Variants in UBE2L3 observed in about 807,000 individuals in gnomAD.
UBE2L3 encodes ubiquitin conjugating enzyme E2 L3, also known as ubiquitin-conjugating enzyme E2 L3.
Under a neutral mutation model 17.8 loss-of-function variants are expected in UBE2L3, and 1 was observed. The observed-to-expected ratio is 0.06, with a 90% CI of 0.02 to 0.27. The LOEUF is 0.27. Ranked by LOEUF, UBE2L3 falls within the 10% of genes least tolerant of loss-of-function variation. The probability of loss-of-function intolerance (pLI) is 1.00; values close to 1 mark genes in which losing one functional copy is unlikely to be tolerated. For missense variants in UBE2L3, 40 were observed against 192.6 expected (o/e 0.21, Z 4.69); for synonymous variants, 44 against 68.5 (o/e 0.64, Z 1.76).
chr22:21,620,502 C>G (rs1392998848), intron 3 of UBE2L3, among the ~76,000 whole-genome samples: 1 of 152,120 alleles, frequency 6.6e-6, no homozygotes, highest in Non-Finnish European at 1.5e-5. Context: ...AAGGAACATT[C>G]TGAGGGTGCT....
intron 1 of UBE2L3, among the ~76,000 whole-genome samples, chr22:21,586,515 C>G (rs894844952): frequency 6.6e-6 from 1 of 151,008 alleles, no homozygotes. Context: ...AAGTGATCCG[C>G]CCACCTCGGC....
intron 1 of UBE2L3, among the ~76,000 whole-genome samples, chr22:21,554,888 G>A (rs1316446767): frequency 1.3e-5 from 2 of 151,618 alleles, no homozygotes; most frequent in Admixed American, 6.5e-5. Context: ...TGATTCTCCT[G>A]CCTCAGCCTC....
chr22:21,565,895 C>T (rs989714001), upstream of UBE2L3, among the ~76,000 whole-genome samples: 43 of 151,390 alleles, frequency 2.8e-4, no homozygotes, highest in Admixed American at 2.4e-3. Flanking sequence ...TGATTGCAAC[C>T]GGTTTCCAAG....
intron 3 of UBE2L3, among the ~76,000 whole-genome samples, chr22:21,616,658 C>CAAAAAA (rs941408810): frequency 2.2e-5 from 2 of 92,852 alleles, no homozygotes; most frequent in African/African-American, 8.0e-5. Context: ...ACTCCATCTC[C>CAAAAAA]AAAAAAAAAA....
chr22:21,563,618 C>T (rs1404401925), upstream of UBE2L3, among the ~76,000 whole-genome samples: 2 of 148,844 alleles, frequency 1.3e-5, no homozygotes, highest in African/African-American at 2.5e-5. Flanking sequence ...ACTCTGTCAC[C>T]CAGGTTGGAG....
chr22:21,559,348 AAAATAAATAAATAAATAAAT>A (rs131647), intron 1 of UBE2L3, among the ~76,000 whole-genome samples: 12 of 144,490 alleles, frequency 8.3e-5, no homozygotes, highest in African/African-American at 3.2e-4. Context: ...ACTCTGTCTC[AAAATAAATAAATAAATAAAT>A]AAACAAACAA....
chr22:21,575,631 C>CT (rs533923826), intron 1 of UBE2L3, among the ~76,000 whole-genome samples: 3,131 of 73,442 alleles, frequency 0.043, 1,019 homozygotes, highest in Non-Finnish European at 0.051. Context: ...AGTTGAATAG[C>CT]TTTTTTTTTT....
rs1930145851 is a variant in UBE2L3 at position 21,623,361 on chromosome 22, GC to G, written c.*1695del. On this transcript the variant is annotated 3_prime_UTR_variant, in exon 4 of 4. Transcript: ENST00000342192. ...GGCAGGTTTCTGGAGACTCCCTTGT[GC>G]CCGGGATGGCAAGGGCACCGGGCTG... 1 of 152,726 alleles carries G rather than the reference GC, an allele frequency of 6.5e-6. No individual in the cohort carries two copies. The highest frequency in any genetic ancestry group is 2.4e-5 in the African/African-American group (1 of 41,422). The allele number at this position is 152,726 out of a possible 1,614,324, so 9.5% of individuals were successfully genotyped here.
intron 3 of UBE2L3, among the ~76,000 whole-genome samples, chr22:21,613,234 A>T (rs1255346577): frequency 6.6e-6 from 1 of 152,228 alleles, no homozygotes; most frequent in South Asian, 2.1e-4. Context: ...GGGCTGCTGC[A>T]TAGAAGGCCG....
chr22:21,556,254 G>A (rs1453590164), intron 1 of UBE2L3, among the ~76,000 whole-genome samples: 2 of 152,228 alleles, frequency 1.3e-5, no homozygotes, highest in South Asian at 4.1e-4. Context: ...AAAAGGCCAG[G>A]CATAGTGGCG....
At chr22:21,599,715 C>T (rs1352612511) in intron 2 of UBE2L3, among the ~76,000 whole-genome samples, 3 of 152,206 alleles carry the variant, frequency 2.0e-5, no homozygotes, top group African/African-American at 4.8e-5. Context: ...CATGTATGCA[C>T]AGAGAACGTT....
chr22:21,573,566 A>G (rs1927100479), intron 1 of UBE2L3, among the ~76,000 whole-genome samples: 1 of 152,130 alleles, frequency 6.6e-6, no homozygotes, highest in Admixed American at 6.6e-5. Context: ...AGGAGAGGGA[A>G]AGACCCCCTC....
intron 1 of UBE2L3, among the ~76,000 whole-genome samples, chr22:21,572,328 G>T (rs920482175): frequency 1.3e-5 from 2 of 151,384 alleles, no homozygotes; most frequent in African/African-American, 4.9e-5. Context: ...CCAGCTACTC[G>T]GGAGGCTGAG....
intron 1 of UBE2L3, among the ~76,000 whole-genome samples, chr22:21,571,881 G>A (rs932790942): frequency 1.3e-5 from 2 of 152,162 alleles, no homozygotes; most frequent in Non-Finnish European, 2.9e-5. Context: ...AGGAGATAGA[G>A]CAATGAGTAT....
chr22:21,610,694 A>G (rs1412144852), intron 2 of UBE2L3, among the ~76,000 whole-genome samples, 163 bp from the exon 3 acceptor site: 1 of 152,214 alleles, frequency 6.6e-6, no homozygotes, highest in African/African-American at 2.4e-5. Context: ...TGCTCTAGAA[A>G]TACTTTTGGG....
At chr22:21,601,275 A>G (rs550328687) in intron 2 of UBE2L3, among the ~76,000 whole-genome samples, 82 of 152,194 alleles carry the variant, frequency 5.4e-4, no homozygotes, top group Non-Finnish European at 1.0e-3. Context: ...TTCAGAAGTC[A>G]CAAGAACTTA....
chr22:21,603,226 T>G (rs942482439), intron 2 of UBE2L3, among the ~76,000 whole-genome samples: 1 of 152,134 alleles, frequency 6.6e-6, no homozygotes, highest in African/African-American at 2.4e-5. Flanking sequence ...GTATCTTTCT[T>G]TCTTTATAAA....
At chr22:21,557,498 C>A (rs1170853727) in intron 1 of UBE2L3, among the ~76,000 whole-genome samples, 1 of 152,150 alleles carries the variant, frequency 6.6e-6, no homozygotes, top group African/African-American at 2.4e-5. Flanking sequence ...AGAGACAGTG[C>A]CCATACTTGC....
intron 3 of UBE2L3, 133 bp downstream of exon 3, chr22:21,611,176 TC>T (rs1449874900): frequency 9.2e-7 from 1 of 1,083,632 alleles, no homozygotes; most frequent in Admixed American, 3.0e-5. Context: ...TGAGGTCCTG[TC>T]AGACCTTGTG....
Sources: gnomAD v4.1 joint callset for allele counts (sites outside exome capture counted in the v4.1 genomes callset) on GRCh38, gnomAD v4.1.1 for gene constraint, MANE v1.5 for transcripts, NCBI Gene and HGNC (gene_info 2026-07-23, HGNC 2026-07-21) for gene names.